The following SEPTIN9 variants were observed in gnomAD, a reference collection of about 807,000 sequenced individuals.
SEPTIN9 encodes septin-9.
A neutral mutation model predicts 56.6 loss-of-function variants in SEPTIN9; 13 were observed. That is an observed-to-expected ratio of 0.23 (90% CI 0.15 to 0.37). The LOEUF is 0.37. SEPTIN9 is among the 10% of genes least tolerant of loss of function. The pLI, the probability that SEPTIN9 is intolerant of heterozygous loss-of-function variation, is 1.00. For missense variants in SEPTIN9, 650 were observed against 823.1 expected, an observed-to-expected ratio of 0.79 and a Z score of 2.57; for synonymous variants, 332 against 334.1, an observed-to-expected ratio of 0.99 and a Z score of 0.07.
chr17:77,290,056 C>T (rs1345352552), intron 1 of SEPTIN9, among the ~76,000 whole-genome samples: 1 of 152,112 alleles, frequency 6.6e-6, no homozygotes, highest in Non-Finnish European at 1.5e-5. Flanking sequence ...TATAATGGCT[C>T]TTCAGAGTGG....
Position 77,482,174 on chromosome 17 carries a change from A to C in SEPTIN9, c.752A>C (p.Asp251Ala). 1 of 1,599,952 alleles carries C rather than the reference A, an allele frequency of 6.3e-7. No homozygotes were observed. Among genetic ancestry groups the C allele is most frequent in the Non-Finnish European group, 8.5e-7 (1 of 1,174,148 alleles). Residue 251 changes from aspartate to alanine, a missense_variant, in exon 4 of 12, where the codon GAC becomes GCC. Physicochemically the swap from Asp to Ala is moderately radical, Grantham distance 126. Transcript: ENST00000427177. ...ATEAAPSCVG[D>A]MADTPRDAGL... ...GAGGCGGCTCCCAGCTGCGTTGGCG[A>C]CATGGCCGACACCCCCAGAGATGCC...
chr17:77,482,289 C>G lies in SEPTIN9; in HGVS notation c.867C>G (p.Arg289=). Residue 289 remains arginine, a synonymous_variant, in exon 4 of 12, where the codon CGC becomes CGG. Transcript: ENST00000427177. ...TTGACTCCATCCTGGAGCAGATGCG[C>G]CGGAAGGCCATGAAGCAGGGCTTCG... ...VGIDSILEQM[R]RKAMKQGFEF... 1 of 1,613,230 alleles carries G rather than the reference C, an allele frequency of 6.2e-7. No homozygotes were observed. Among genetic ancestry groups the G allele is most frequent in the African/African-American group, 1.3e-5 (1 of 75,050 alleles).
intron 3 of SEPTIN9, chr17:77,442,169 C>T (rs1396203992): frequency 6.6e-6 from 1 of 152,050 alleles, no homozygotes; most frequent in Non-Finnish European, 1.5e-5. Context: ...ACAGATTAGA[C>T]TCCTTGTTCC....
intron 3 of SEPTIN9, among the ~76,000 whole-genome samples, chr17:77,455,445 G>A (rs780855915): frequency 9.2e-5 from 14 of 152,208 alleles, no homozygotes; most frequent in Admixed American, 8.5e-4. Context: ...CAGGTGACTC[G>A]GTCACTGAAT....
At chr17:77,409,779 G>T (rs771954947) in intron 3 of SEPTIN9, among the ~76,000 whole-genome samples, 11 of 152,236 alleles carry the variant, frequency 7.2e-5, no homozygotes, top group African/African-American at 2.7e-4. Flanking sequence ...CCGGAGGGGC[G>T]CGCCGCGGCC....
Position 77,326,187 on chromosome 17 carries a change from A to G in SEPTIN9, c.76+18990A>G, listed in dbSNP as rs530528298. Among the ~76,000 whole-genome samples, 2 of 152,102 alleles carry G rather than the reference A, an allele frequency of 1.3e-5. No homozygotes were observed. The highest frequency in any genetic ancestry group is 4.8e-5 in the African/African-American group (2 of 41,482). The stretch of plus-strand genomic sequence containing the variant: ...CCAGCAACCTTTGACCCCCAACATG[A>G]CAAAATAAACCTCCCTTGCCGGTCA... On this transcript the variant is annotated intron_variant, in intron 2 of 11. Coordinates refer to ENST00000427177, the MANE Select transcript of SEPTIN9 (RefSeq NM_001113491.2). The surrounding 1 kb of genome is among the most constrained non-coding windows in gnomAD (Gnocchi z 5.1).
chr17:77,390,425 TAAA>T (rs570951109), intron 2 of SEPTIN9, among the ~76,000 whole-genome samples: 9 of 106,344 alleles, frequency 8.5e-5, no homozygotes. Flanking sequence ...GTTTCAGAGG[TAAA>T]AAAAAAAAAA....
At chr17:77,448,875 C>T (rs2037856919) in intron 3 of SEPTIN9, among the ~76,000 whole-genome samples, 2 of 152,046 alleles carry the variant, frequency 1.3e-5, no homozygotes, top group Admixed American at 6.5e-5. Context: ...CCTTTGCCTC[C>T]CAGGTTTGAG....
chr17:77,468,270 A>C (rs1008450166), intron 3 of SEPTIN9, among the ~76,000 whole-genome samples: 6 of 151,966 alleles, frequency 3.9e-5, no homozygotes, highest in African/African-American at 1.5e-4. Flanking sequence ...ATCTCAAAAA[A>C]AACAAAACAA....
At chr17:77,465,379 C>A (rs1335072837) in intron 3 of SEPTIN9, among the ~76,000 whole-genome samples, 2 of 152,204 alleles carry the variant, frequency 1.3e-5, no homozygotes, top group African/African-American at 4.8e-5. Flanking sequence ...GTTTAGCCAA[C>A]CAGCCTTTAA....
chr17:77,282,997 G>A (rs2031102211), intron 1 of SEPTIN9, among the ~76,000 whole-genome samples: 1 of 152,074 alleles, frequency 6.6e-6, no homozygotes, highest in African/African-American at 2.4e-5. Flanking sequence ...CCAGGTCGTG[G>A]GTCCTGGGTT....
chr17:77,373,328 TC>T, intron 2 of SEPTIN9: 2 of 1,167,828 alleles, frequency 1.7e-6, no homozygotes, highest in Non-Finnish European at 2.1e-6. Flanking sequence ...GCGCCCGCCT[TC>T]CTCCCCCATT....
intron 2 of SEPTIN9, among the ~76,000 whole-genome samples, chr17:77,324,767 G>GCCATT (rs1479723973): frequency 6.6e-6 from 1 of 151,384 alleles, no homozygotes. Context: ...ATGATTTGCT[G>GCCATT]CCATTCCATG....
chr17:77,342,379 A>G (rs879503574), intron 2 of SEPTIN9, among the ~76,000 whole-genome samples: 7 of 152,146 alleles, frequency 4.6e-5, no homozygotes, highest in Non-Finnish European at 7.3e-5. Flanking sequence ...TTTTATTGTG[A>G]CTTTATGTTC....
At chr17:77,404,469 A>G (rs1372589519) in intron 3 of SEPTIN9, among the ~76,000 whole-genome samples, 1 of 152,164 alleles carries the variant, frequency 6.6e-6, no homozygotes, top group African/African-American at 2.4e-5. Flanking sequence ...GCTGGTCTCA[A>G]ACTCCTGGGT....
chr17:77,373,843 T>C (rs990478284), intron 2 of SEPTIN9: 9 of 418,010 alleles, frequency 2.2e-5, no homozygotes, highest in African/African-American at 1.9e-4. Flanking sequence ...TTATTGTTGT[T>C]TGTGTTTGCC....
chr17:77,299,587 T>C (rs555721192), intron 1 of SEPTIN9, among the ~76,000 whole-genome samples: 46 of 152,314 alleles, frequency 3.0e-4, no homozygotes, highest in Non-Finnish European at 3.4e-4. Context: ...AATTGTTGAT[T>C]GTTTATCTGA....
chr17:77,390,868 C>T (rs2035518068), intron 2 of SEPTIN9, among the ~76,000 whole-genome samples: 1 of 152,200 alleles, frequency 6.6e-6, no homozygotes, highest in South Asian at 2.1e-4. Context: ...CTTACTGTCC[C>T]TTGGGGGACA....
In SEPTIN9 at chr17:77,475,715, G is replaced by C; in HGVS notation, c.722-6429G>C. On this transcript the variant is annotated intron_variant, in intron 3 of 11. Coordinates refer to ENST00000427177, the MANE Select transcript of SEPTIN9 (RefSeq NM_001113491.2). The surrounding 1 kb of genome is among the most constrained non-coding windows in gnomAD (Gnocchi z 4.6). Reference sequence around the variant, plus strand: ...GGTGGATGGAGGCAAGGAAGTCTTCGCCGGGGCAAGGGCACCAGCTGTAGA... The same window carrying C: ...GGTGGATGGAGGCAAGGAAGTCTTCCCCGGGGCAAGGGCACCAGCTGTAGA... 1 of 1,613,290 alleles carries C rather than the reference G, an allele frequency of 6.2e-7. No homozygotes were observed.
Sources: allele counts gnomAD v4.1 joint callset (sites outside exome capture counted in the v4.1 genomes callset), GRCh38; gene constraint gnomAD v4.1.1; non-coding constraint Gnocchi (gnomAD v3.1); transcripts MANE v1.5; gene names NCBI Gene and HGNC (gene_info 2026-07-23, HGNC 2026-07-21).